The following PDZD2 variants were observed in gnomAD, a reference collection of about 807,000 sequenced individuals.
PDZD2 encodes PDZ domain containing 2.
In PDZD2, 90 loss-of-function variants were observed where a neutral mutation model predicts 220.7. The ratio of observed to expected loss-of-function variants is 0.41; its 90% confidence interval spans 0.34 to 0.49. The LOEUF (loss-of-function observed/expected upper bound fraction) is 0.49. Among genes scored for constraint, PDZD2 ranks in the 20% least tolerant of loss-of-function variants. The pLI, the probability that PDZD2 is intolerant of heterozygous loss-of-function variation, is 0.28. For missense variants in PDZD2, 3,174 were observed against 3,608.5 expected, an observed-to-expected ratio of 0.88 and a Z score of 3.08; for synonymous variants, 1,375 against 1,450.5, an observed-to-expected ratio of 0.95 and a Z score of 1.18.
chr5:31,989,425 T>TTTTTTTTTTTTTTATTTTTTTTTTA (rs1751022786), intron 3 of PDZD2, among the ~76,000 whole-genome samples: 1 of 145,816 alleles, frequency 6.9e-6, no homozygotes, highest in African/African-American at 2.6e-5. Flanking sequence ...TCTTTTCTTT[T>TTTTTTTTTTTTTTATTTTTTTTTTA]TTTTTTTTTT....
chr5:31,865,177 C>T (rs976274701), intron 2 of PDZD2, among the ~76,000 whole-genome samples: 1 of 152,020 alleles, frequency 6.6e-6, no homozygotes, highest in African/African-American at 2.4e-5. Flanking sequence ...TGTGTCTATT[C>T]TGTCCTTTTC....
chr5:31,697,859 G>A (rs1747439314), intron 1 of PDZD2, among the ~76,000 whole-genome samples: 1 of 151,948 alleles, frequency 6.6e-6, no homozygotes, highest in South Asian at 2.1e-4. Context: ...CAGAAAGCAA[G>A]TCTCTACCTC....
At chr5:31,663,877 A>G (rs915484443) in intron 1 of PDZD2, among the ~76,000 whole-genome samples, 2 of 149,428 alleles carry the variant, frequency 1.3e-5, no homozygotes, top group African/African-American at 5.0e-5. Context: ...GTGTGTGTGT[A>G]TGCGGGCACA....
At chr5:31,908,490 G>A (rs1742881868) in intron 2 of PDZD2, 1 of 1,028,420 alleles carries the variant, frequency 9.7e-7, no homozygotes, top group Non-Finnish European at 1.4e-6. Context: ...CTGATGACTC[G>A]CTCATTGGTG....
chr5:31,892,946 G>A (rs1030400072), intron 2 of PDZD2, among the ~76,000 whole-genome samples: 2 of 152,334 alleles, frequency 1.3e-5, no homozygotes, highest in East Asian at 3.9e-4. Flanking sequence ...TACAGCATGG[G>A]TGCTGAAACA....
chr5:31,834,253 TCTC>T lies in PDZD2; in HGVS notation c.476+34534_476+34536del, dbSNP rs1440744892. 4.6e-5 allele frequency among the ~76,000 whole-genome samples: 7 copies of T among 152,284 alleles called. No homozygotes were observed. In the East Asian group the frequency reaches 5.8e-4, roughly 13 times the overall value. On this transcript the variant is annotated intron_variant, in intron 2 of 24. Coordinates refer to ENST00000438447, the MANE Select transcript of PDZD2 (RefSeq NM_178140.4). ...TGTCCAGTTGGAGCACCTGCCCTGC[TCTC>T]CTCCACTGCTAGCTGACCGCCAATT... is the stretch of plus-strand genomic sequence containing the variant.
At chr5:31,842,640 C>A (rs1208110443) in intron 2 of PDZD2, among the ~76,000 whole-genome samples, 1 of 152,098 alleles carries the variant, frequency 6.6e-6, no homozygotes, top group East Asian at 1.9e-4. Flanking sequence ...TCATTGCTTG[C>A]GGAGTGGGTA....
At chr5:31,791,008 C>G (rs1561462233) in intron 1 of PDZD2, among the ~76,000 whole-genome samples, 1 of 151,938 alleles carries the variant, frequency 6.6e-6, no homozygotes, top group East Asian at 1.9e-4. Flanking sequence ...TGAATTTTAA[C>G]TTAATGTATG....
chr5:31,873,278 T>C (rs1311733301), intron 2 of PDZD2, among the ~76,000 whole-genome samples: 19 of 151,624 alleles, frequency 1.3e-4, no homozygotes, highest in Admixed American at 1.3e-3. Context: ...TACAAAAAAT[T>C]TAAAAATTAG....
Position 32,044,666 on chromosome 5 carries a change from CAG to C in PDZD2, c.1520-3870_1520-3869del, listed in dbSNP as rs1165137078. ...TGACAGTCGCAATGCTTCAGTCCAA[CAG>C]AGTTTGTCAGAGTCATTAGGGAAAC... On this transcript the variant is annotated intron_variant, in intron 7 of 24. Coordinates refer to ENST00000438447, the MANE Select transcript of PDZD2 (RefSeq NM_178140.4). Among the ~76,000 whole-genome samples the C allele has an allele frequency of 2.0e-5, 3 of 152,320 alleles. No homozygotes were observed. The South Asian group carries it at 6.2e-4, about 32-fold the overall frequency.
In PDZD2 at chr5:31,691,379, CACA is replaced by C. The variant is rs201492013; in HGVS notation, c.-361+51943_-361+51945del. On this transcript the variant is annotated intron_variant, in intron 1 of 24. Coordinates refer to ENST00000438447, the MANE Select transcript of PDZD2 (RefSeq NM_178140.4). ...GAGTGAGCAGTAGCAAGATTTATTG[CACA>C]GAGCGAAAGAACAAAGCTCCCGTAG... 1.1e-3 allele frequency among the ~76,000 whole-genome samples: 156 copies of C among 137,208 alleles called. 1 individual carries two copies. Among genetic ancestry groups the C allele is most frequent in the African/African-American group, 5.3e-3 (145 of 27,318 alleles). 90.0% of individuals were successfully genotyped at this position (137,208 alleles called of 152,430 possible). A position where few individuals can be genotyped will look rare whatever the true frequency, so the allele number is the denominator to read the frequency against.
chr5:31,710,812 G>A (rs1183129347), intron 1 of PDZD2, among the ~76,000 whole-genome samples: 9 of 117,774 alleles, frequency 7.6e-5, no homozygotes, highest in East Asian at 2.5e-4. Flanking sequence ...GCAAAACTCC[G>A]TCTTGAAAAA....
chr5:31,987,339 C>T lies in PDZD2; in HGVS notation c.978+3683C>T, dbSNP rs371878476. Among the ~76,000 whole-genome samples the T allele has an allele frequency of 9.2e-4, 140 of 152,332 alleles. 1 individual carries two copies. The highest frequency in any genetic ancestry group is 3.2e-3 in the African/African-American group (135 of 41,572). On this transcript the variant is annotated intron_variant, in intron 3 of 24. Coordinates refer to ENST00000438447, the MANE Select transcript of PDZD2 (RefSeq NM_178140.4). The stretch of plus-strand genomic sequence containing the variant: ...AATCTACCCTGTACACTACCAGACC[C>T]TTTTCCTATGCCTCCTCTGTAAGTG...
intron 1 of PDZD2, among the ~76,000 whole-genome samples, chr5:31,786,528 T>G (rs1753389073): frequency 6.6e-5 from 10 of 152,218 alleles, no homozygotes; most frequent in Admixed American, 6.5e-4. Flanking sequence ...CCTCTCCTCC[T>G]TTGTCTTGGC....
chr5:31,748,271 A>G (rs1750721870), intron 1 of PDZD2, among the ~76,000 whole-genome samples: 1 of 152,154 alleles, frequency 6.6e-6, no homozygotes, highest in Non-Finnish European at 1.5e-5. Context: ...TGTCACATCT[A>G]TTTGCCAACA....
In PDZD2 at chr5:31,783,964, G is replaced by A. The variant is rs551691910; in HGVS notation, c.-360-14925G>A. ...GTGCTCTGACTGTCACTGAGTCTCC[G>A]GTCCCCTCTCAATCTGTTCCCTCAT... On this transcript the variant is annotated intron_variant, in intron 1 of 24. Transcript: ENST00000438447. Among the ~76,000 whole-genome samples the A allele has an allele frequency of 2.0e-5, 3 of 152,234 alleles. No individual in the cohort carries two copies. In the East Asian group the frequency reaches 5.8e-4, roughly 29 times the overall value.
intron 1 of PDZD2, among the ~76,000 whole-genome samples, chr5:31,779,615 C>T (rs1190615115): frequency 4.6e-5 from 7 of 152,014 alleles, no homozygotes; most frequent in South Asian, 2.1e-4. Flanking sequence ...CCTCGTGATC[C>T]GCCTGCCTCG....
chr5:31,870,336 CTA>C (rs1468494715), intron 2 of PDZD2, among the ~76,000 whole-genome samples: 1 of 152,194 alleles, frequency 6.6e-6, no homozygotes, highest in Non-Finnish European at 1.5e-5. Flanking sequence ...ATTTAAGTCT[CTA>C]TAAATTTTCT....
intron 1 of PDZD2, among the ~76,000 whole-genome samples, chr5:31,773,036 G>C (rs1268670136): frequency 6.6e-6 from 1 of 152,182 alleles, no homozygotes; most frequent in Non-Finnish European, 1.5e-5. Context: ...GTTCTTGAGA[G>C]TCACAGTCTA....
Sources: allele counts gnomAD v4.1 joint callset (sites outside exome capture counted in the v4.1 genomes callset), GRCh38; gene constraint gnomAD v4.1.1; transcripts MANE v1.5; gene names NCBI Gene and HGNC (gene_info 2026-07-23, HGNC 2026-07-21).